CAMK2D: variants seen among roughly 807,000 people sequenced by gnomAD.
CAMK2D encodes the protein calcium/calmodulin dependent protein kinase II delta.
CAMK2D carries 37 observed loss-of-function variants against 84.0 expected under a neutral mutation model. The ratio of observed to expected loss-of-function variants is 0.44; its 90% CI spans 0.34 to 0.58. The LOEUF (loss-of-function observed/expected upper bound fraction) is 0.58. Among genes scored for constraint, CAMK2D ranks in the 20% least tolerant of loss-of-function variants. The probability of loss-of-function intolerance (pLI) is 0.02; values close to 1 mark genes in which losing one functional copy is unlikely to be tolerated. For synonymous variants in CAMK2D, 202 were observed against 212.5 expected (o/e 0.95, Z 0.43); for missense variants, 448 against 652.5 (o/e 0.69, Z 3.41).
In CAMK2D at chr4:113,761,587, G is replaced by A. The variant is rs2099641528; in HGVS notation, c.-519C>T. On this transcript the variant is annotated 5_prime_UTR_variant, in exon 1 of 21. Coordinates refer to ENST00000511664, the MANE Select transcript of CAMK2D (RefSeq NM_001321571.2). The stretch of plus-strand genomic sequence containing the variant: ...CCAGCGGCCGCTGTCAGCAGGCTCA[G>A]GCGCGGGGCGCGCCGGGGCTCCGAC... 1 of 985,066 alleles carries A rather than the reference G, an allele frequency of 1.0e-6. No individual in the cohort carries two copies. Among genetic ancestry groups the A allele is most frequent in the African/African-American group, 1.7e-5 (1 of 57,210 alleles). The allele number at this position is 985,066 out of a possible 1,614,324, so 61.0% of individuals were successfully genotyped here.
intron 16 of CAMK2D, among the ~76,000 whole-genome samples, chr4:113,489,905 T>A (rs1434783947): frequency 6.8e-6 from 1 of 147,198 alleles, no homozygotes; most frequent in African/African-American, 2.5e-5. Flanking sequence ...ATGATGAGCA[T>A]TTTTTCATGT....
intron 10 of CAMK2D, among the ~76,000 whole-genome samples, chr4:113,514,852 ATATT>A (rs540209476): frequency 3.9e-5 from 6 of 152,200 alleles, no homozygotes; most frequent in South Asian, 2.1e-4. Flanking sequence ...ACTGCAAGCA[ATATT>A]TATTTAAGAA....
intron 2 of CAMK2D, among the ~76,000 whole-genome samples, chr4:113,666,669 T>C (rs752287323): frequency 2.6e-5 from 4 of 152,126 alleles, no homozygotes; most frequent in Non-Finnish European, 4.4e-5. Flanking sequence ...GAATTTGCCA[T>C]GGCCGAGAAG....
intron 8 of CAMK2D, among the ~76,000 whole-genome samples, chr4:113,520,137 G>C (rs796202306): frequency 3.9e-5 from 6 of 152,098 alleles, no homozygotes; most frequent in African/African-American, 1.4e-4. Context: ...CGGGCGTGGT[G>C]GCTCACACCT....
intron 2 of CAMK2D, among the ~76,000 whole-genome samples, chr4:113,725,293 C>T (rs2099542629): frequency 6.6e-6 from 1 of 151,994 alleles, no homozygotes. Context: ...TAAAGATACA[C>T]AGTTTACTAC....
At chr4:113,696,400 A>G (rs2099402954) in intron 2 of CAMK2D, among the ~76,000 whole-genome samples, 1 of 152,102 alleles carries the variant, frequency 6.6e-6, no homozygotes, top group South Asian at 2.1e-4. Context: ...AATGGTGTCT[A>G]ACACATATAA....
intron 3 of CAMK2D, among the ~76,000 whole-genome samples, chr4:113,633,847 G>A (rs1411192941): frequency 2.6e-5 from 4 of 152,152 alleles, no homozygotes; most frequent in Non-Finnish European, 5.9e-5. Context: ...ATCCATCAGA[G>A]GGTTGAGCAT....
At chr4:113,734,478 T>C (rs747083097) in intron 2 of CAMK2D, among the ~76,000 whole-genome samples, 4 of 152,152 alleles carry the variant, frequency 2.6e-5, no homozygotes, top group Non-Finnish European at 5.9e-5. Flanking sequence ...CCTATAGTAA[T>C]TTTTTTATTT....
intron 8 of CAMK2D, among the ~76,000 whole-genome samples, chr4:113,528,991 T>C (rs1330332241): frequency 6.6e-6 from 1 of 152,170 alleles, no homozygotes; most frequent in Non-Finnish European, 1.5e-5. Flanking sequence ...GCTTGGGGCA[T>C]TCCTAAGACC....
intron 13 of CAMK2D, among the ~76,000 whole-genome samples, chr4:113,505,543 G>A (rs970356458): frequency 6.6e-6 from 1 of 152,110 alleles, no homozygotes; most frequent in Non-Finnish European, 1.5e-5. Flanking sequence ...CTGAGAAAAC[G>A]CTGGTGTCAC....
chr4:113,543,894 C>T (rs939138090), intron 6 of CAMK2D, among the ~76,000 whole-genome samples: 1 of 151,964 alleles, frequency 6.6e-6, no homozygotes, highest in Non-Finnish European at 1.5e-5. Flanking sequence ...TGGGTTCATG[C>T]CATTCTCCTG....
intron 4 of CAMK2D, among the ~76,000 whole-genome samples, chr4:113,565,743 C>A (rs1326361190): frequency 6.6e-6 from 1 of 151,772 alleles, no homozygotes; most frequent in Non-Finnish European, 1.5e-5. Context: ...CTTTGCCACC[C>A]AGATGACAGA....
At chr4:113,623,425 T>C (rs929248576) in intron 3 of CAMK2D, among the ~76,000 whole-genome samples, 1 of 152,068 alleles carries the variant, frequency 6.6e-6, no homozygotes, top group Non-Finnish European at 1.5e-5. Flanking sequence ...CAAACACTTA[T>C]AGCATGTGTC....
chr4:113,480,205 C>T (rs898159016), intron 16 of CAMK2D, among the ~76,000 whole-genome samples: 16 of 152,028 alleles, frequency 1.1e-4, no homozygotes, highest in Non-Finnish European at 1.8e-4. Flanking sequence ...TCAGGTAATC[C>T]GCCCGCCTCG....
In CAMK2D at chr4:113,709,745, C is replaced by CTATATATATA. The variant is rs1554070590; in HGVS notation, c.161-47974_161-47973insTATATATATA. Among the ~76,000 whole-genome samples, 51 of 24,634 alleles carry CTATATATATA rather than the reference C, an allele frequency of 2.1e-3. 3 individuals are homozygous for CTATATATATA. The highest frequency in any genetic ancestry group is 0.011 in the African/African-American group (44 of 4,036). The allele number at this position is 24,634 out of a possible 152,430, so 16.2% of individuals were successfully genotyped here. A position where few individuals can be genotyped will look rare whatever the true frequency, so the allele number is the denominator to read the frequency against. On this transcript the variant is annotated intron_variant, in intron 2 of 20. Transcript: ENST00000511664. ...AGAGTGAAAAGCTAAAAGCCGTGAACGATATATATATATATATATATATAT... is the reference window on the plus strand; with the variant it reads ...AGAGTGAAAAGCTAAAAGCCGTGAACTATATATATAGATATATATATATATATATATATAT...
intron 2 of CAMK2D, among the ~76,000 whole-genome samples, chr4:113,717,422 T>C (rs376830225): frequency 6.6e-6 from 1 of 152,272 alleles, no homozygotes; most frequent in East Asian, 1.9e-4. Flanking sequence ...GATAATCTCG[T>C]ATAATCAACT....
chr4:113,712,357 A>G (rs1486591801), intron 2 of CAMK2D, among the ~76,000 whole-genome samples: 1 of 152,140 alleles, frequency 6.6e-6, no homozygotes, highest in African/African-American at 2.4e-5. Context: ...TCAAATTCAT[A>G]TATTATTTAT....
rs770821768 is a variant in CAMK2D at position 113,761,167 on chromosome 4, G to T, written c.-99C>A. The T allele has an allele frequency of 5.3e-5, 85 of 1,599,258 alleles. No homozygotes were observed. The highest frequency in any genetic ancestry group is 6.0e-5 in the Non-Finnish European group (71 of 1,177,102). ...CTGGCCCCGCGGCGCTGTCACCCAG[G>T]GCCGCTCTTACTTTCCTGGTCCGAA... On this transcript the variant is annotated 5_prime_UTR_variant, in exon 1 of 21. Transcript: ENST00000511664.
chr4:113,613,736 C>G (rs528507837), intron 3 of CAMK2D, among the ~76,000 whole-genome samples: 3 of 152,080 alleles, frequency 2.0e-5, no homozygotes, highest in East Asian at 3.9e-4. Flanking sequence ...ATTTAATGTA[C>G]CAAAAATGCT....
Sources: allele counts gnomAD v4.1 joint callset (sites outside exome capture counted in the v4.1 genomes callset), GRCh38; gene constraint gnomAD v4.1.1; transcripts MANE v1.5; gene names NCBI Gene and HGNC (gene_info 2026-07-23, HGNC 2026-07-21).